The following RNLS variants were observed in gnomAD, a reference collection of about 807,000 sequenced individuals.
RNLS encodes renalase.
Under a neutral mutation model 39.8 loss-of-function variants are expected in RNLS, and 39 were observed. That is an observed-to-expected ratio of 0.98 (90% CI 0.76 to 1.28). RNLS has a LOEUF of 1.28. RNLS is among the 50% of genes most tolerant of loss of function. The pLI, the probability that RNLS is intolerant of heterozygous loss-of-function variation, is 0.00. For synonymous variants in RNLS, 147 were observed against 150.7 expected (o/e 0.98, Z 0.18); for missense variants, 410 against 413.3 (o/e 0.99, Z 0.07).
intron 4 of RNLS, among the ~76,000 whole-genome samples, chr10:88,540,302 T>G (rs1362381828): frequency 1.3e-5 from 2 of 152,144 alleles, no homozygotes; most frequent in Non-Finnish European, 2.9e-5. Context: ...ATCCACTACT[T>G]CACCCTTGGA....
intron 5 of RNLS, among the ~76,000 whole-genome samples, chr10:88,352,183 C>T (rs1192681014): frequency 6.6e-6 from 1 of 152,050 alleles, no homozygotes; most frequent in Admixed American, 6.5e-5. Context: ...TAATTGAATA[C>T]CCTTTATTTC....
chr10:88,489,182 G>A (rs915550437), intron 4 of RNLS, among the ~76,000 whole-genome samples: 1 of 152,098 alleles, frequency 6.6e-6, no homozygotes, highest in African/African-American at 2.4e-5. Context: ...GTCAATTAAG[G>A]TTTCCAATAT....
intron 4 of RNLS, among the ~76,000 whole-genome samples, chr10:88,410,673 G>A (rs1450190368): frequency 6.6e-6 from 1 of 152,082 alleles, no homozygotes; most frequent in East Asian, 1.9e-4. Flanking sequence ...AGATATTAGT[G>A]TAGATCTCAT....
the RNLS span, among the ~76,000 whole-genome samples, chr10:88,261,550 C>CA: frequency 1.3e-5 from 2 of 152,130 alleles, no homozygotes; most frequent in African/African-American, 4.8e-5. Flanking sequence ...ATGGAAGTGA[C>CA]ACATGTCACT....
At chr10:88,388,996 T>C (rs1852034994) in intron 4 of RNLS, among the ~76,000 whole-genome samples, 1 of 152,208 alleles carries the variant, frequency 6.6e-6, no homozygotes, top group African/African-American at 2.4e-5. Flanking sequence ...TGTAACCTGT[T>C]ATTTGTTAAT....
At chr10:88,274,215 T>G (rs1320916503) in exon 7 of RNLS, 3 of 152,198 alleles carry the variant, frequency 2.0e-5, no homozygotes. Flanking sequence ...AAGTGATGAT[T>G]TTAACCACAT....
the RNLS span, among the ~76,000 whole-genome samples, chr10:88,184,614 C>T: frequency 6.6e-6 from 1 of 152,052 alleles, no homozygotes; most frequent in Non-Finnish European, 1.5e-5. Flanking sequence ...GACCTTAGTC[C>T]ACTGAGTTAA....
intron 5 of RNLS, among the ~76,000 whole-genome samples, chr10:88,345,078 A>C (rs1848218607): frequency 2.6e-5 from 4 of 152,184 alleles, no homozygotes; most frequent in East Asian, 1.9e-4. Context: ...CTTAATAACA[A>C]GAAATTTACT....
At chr10:88,504,257 C>A (rs970927372) in intron 4 of RNLS, among the ~76,000 whole-genome samples, 1 of 151,992 alleles carries the variant, frequency 6.6e-6, no homozygotes, top group Non-Finnish European at 1.5e-5. Context: ...GCCTACAGTG[C>A]ATGCACAATG....
chr10:88,233,922 G>A, the RNLS span, among the ~76,000 whole-genome samples: 32 of 151,638 alleles, frequency 2.1e-4, no homozygotes, highest in African/African-American at 6.5e-4. Context: ...TTCAGGATCT[G>A]GGAAATGTCT....
chr10:88,459,427 G>T (rs1351859795), intron 4 of RNLS, among the ~76,000 whole-genome samples: 1 of 152,110 alleles, frequency 6.6e-6, no homozygotes, highest in Non-Finnish European at 1.5e-5. Flanking sequence ...CTGAGAAAGA[G>T]AGTAAATTCA....
intron 4 of RNLS, among the ~76,000 whole-genome samples, chr10:88,529,599 C>CA (rs1847301024): frequency 6.6e-6 from 1 of 152,008 alleles, no homozygotes; most frequent in East Asian, 1.9e-4. Context: ...AAGCAGTATG[C>CA]AAAAAGGATA....
intron 4 of RNLS, among the ~76,000 whole-genome samples, chr10:88,571,228 T>C (rs1203444083): frequency 6.6e-6 from 1 of 152,056 alleles, no homozygotes; most frequent in East Asian, 1.9e-4. Context: ...GCAACCCTCC[T>C]GCCTCACCCT....
At chr10:88,301,018 G>C (rs60564297) in intron 6 of RNLS, among the ~76,000 whole-genome samples, 1 of 152,270 alleles carries the variant, frequency 6.6e-6, no homozygotes, top group African/African-American at 2.4e-5. Context: ...TATTTGCCCA[G>C]TGCCAATGAC....
chr10:88,516,539 A>G (rs12571939), intron 4 of RNLS, among the ~76,000 whole-genome samples: 7,539 of 152,086 alleles, frequency 0.05, 225 homozygotes, highest in Middle Eastern at 0.089. Context: ...AAGCCACTCA[A>G]GCTTAAGAAG....
chr10:88,467,451 TAAC>T (rs1478013777), intron 4 of RNLS, among the ~76,000 whole-genome samples: 2 of 152,042 alleles, frequency 1.3e-5, no homozygotes, highest in African/African-American at 4.8e-5. Context: ...TTAAAAATCT[TAAC>T]AACTATCTTT....
intron 4 of RNLS, among the ~76,000 whole-genome samples, chr10:88,496,566 C>T (rs1845186750): frequency 1.3e-5 from 2 of 152,204 alleles, no homozygotes; most frequent in South Asian, 4.2e-4. Flanking sequence ...TAAGCTCTCT[C>T]TCAAGGGAAA....
chr10:88,262,202 T>G, the RNLS span, among the ~76,000 whole-genome samples: 1 of 152,274 alleles, frequency 6.6e-6, no homozygotes, highest in Admixed American at 6.5e-5. Context: ...TTTTTTTTAA[T>G]GTAGGTTTAC....
At chr10:88,479,116 T>A (rs1200830908) in intron 4 of RNLS, among the ~76,000 whole-genome samples, 1 of 152,216 alleles carries the variant, frequency 6.6e-6, no homozygotes, top group African/African-American at 2.4e-5. Flanking sequence ...ACATTAAATA[T>A]GTTTCAGTCT....
Sources: allele counts gnomAD v4.1 joint callset (sites outside exome capture counted in the v4.1 genomes callset), GRCh38; gene constraint gnomAD v4.1.1; transcripts MANE v1.5; gene names NCBI Gene and HGNC (gene_info 2026-07-23, HGNC 2026-07-21).